TACR3: variants seen among roughly 807,000 people sequenced by gnomAD.
The protein encoded by TACR3 is neuromedin-K receptor.
Under a neutral mutation model 35.0 loss-of-function variants are expected in TACR3, and 34 were observed. That is an observed-to-expected ratio of 0.97 (90% CI 0.74 to 1.30). The LOEUF is 1.30. Among genes scored for constraint, TACR3 ranks in the 50% most tolerant of loss-of-function variants. TACR3 has a pLI of 0.00. For synonymous variants in TACR3, 233 were observed against 221.1 expected (o/e 1.05, Z -0.48); for missense variants, 558 against 591.7 (o/e 0.94, Z 0.59).
chr4:103,705,687 T>C (rs1055572518), intron 1 of TACR3, among the ~76,000 whole-genome samples: 1 of 152,174 alleles, frequency 6.6e-6, no homozygotes, highest in Non-Finnish European at 1.5e-5. Flanking sequence ...AACTGTTATC[T>C]AAAAGAGGAG....
chr4:103,601,971 T>C (rs1300126488), intron 3 of TACR3, among the ~76,000 whole-genome samples: 1 of 152,248 alleles, frequency 6.6e-6, no homozygotes, highest in African/African-American at 2.4e-5. Flanking sequence ...GATAGTATCC[T>C]GCAGAGTGTT....
chr4:103,706,796 A>G (rs1205961369), intron 1 of TACR3, among the ~76,000 whole-genome samples: 1 of 152,188 alleles, frequency 6.6e-6, no homozygotes, highest in African/African-American at 2.4e-5. Flanking sequence ...TAAGTATAAG[A>G]CTGGGAAGGA....
intron 3 of TACR3, among the ~76,000 whole-genome samples, chr4:103,617,126 A>G (rs987153177): frequency 6.6e-6 from 1 of 152,104 alleles, no homozygotes; most frequent in African/African-American, 2.4e-5. Flanking sequence ...ATTATGAGAC[A>G]TGTGAATAAA....
At chr4:103,675,845 G>T (rs1028326248) in intron 1 of TACR3, among the ~76,000 whole-genome samples, 1 of 152,050 alleles carries the variant, frequency 6.6e-6, no homozygotes, top group African/African-American at 2.4e-5. Flanking sequence ...CAGGTATTTA[G>T]CCTGAGTGGA....
chr4:103,676,785 T>C (rs1726180494), intron 1 of TACR3, among the ~76,000 whole-genome samples: 1 of 152,056 alleles, frequency 6.6e-6, no homozygotes, highest in African/African-American at 2.4e-5. Context: ...GCAATACCAT[T>C]CAAGACATAG....
chr4:103,642,877 C>T (rs1725385511), intron 3 of TACR3, among the ~76,000 whole-genome samples: 1 of 151,716 alleles, frequency 6.6e-6, no homozygotes, highest in Non-Finnish European at 1.5e-5. Context: ...ACTAATTACC[C>T]TAATTAGATT....
At chr4:103,673,071 G>C (rs1355053494) in intron 1 of TACR3, among the ~76,000 whole-genome samples, 2 of 152,138 alleles carry the variant, frequency 1.3e-5, no homozygotes, top group Non-Finnish European at 2.9e-5. Flanking sequence ...CTAGATCCTT[G>C]ACACGTATTA....
At chr4:103,672,137 T>C (rs1456403841) in intron 1 of TACR3, among the ~76,000 whole-genome samples, 1 of 152,108 alleles carries the variant, frequency 6.6e-6, no homozygotes, top group African/African-American at 2.4e-5. Context: ...ATTGCAGCAA[T>C]TCAGTCACAT....
At position 103,652,361 on chromosome 4, in the gene TACR3, C is replaced by T. The variant is rs140248345; in HGVS notation, c.888+3833G>A. On this transcript the variant is annotated intron_variant, in intron 3 of 4. Coordinates refer to ENST00000304883, the MANE Select transcript of TACR3 (RefSeq NM_001059.3). ...TAGATTTGGATCAGTTTTGCTTTCTCCTGTGACAGGGCAATGTCTAACAAT... is the reference window on the plus strand; with the variant it reads ...TAGATTTGGATCAGTTTTGCTTTCTTCTGTGACAGGGCAATGTCTAACAAT... Among the ~76,000 whole-genome samples the T allele has an allele frequency of 1.3e-4, 20 of 152,196 alleles. No individual in the cohort carries two copies. In the East Asian group the frequency reaches 3.9e-3, roughly 29 times the overall value.
Position 103,713,912 on chromosome 4 carries a change from G to A in TACR3, c.548+5216C>T, listed in dbSNP as rs1560542837. On this transcript the variant is annotated intron_variant, in intron 1 of 4. Transcript: ENST00000304883. ...ACTTCTAGGCAGTAGCCACCTGTGA[G>A]GAATATTGCTCATGGGTCAAAGAAG... Among the ~76,000 whole-genome samples, 4 of 152,242 alleles carry A rather than the reference G, an allele frequency of 2.6e-5. No individual in the cohort carries two copies. The South Asian group carries it at 8.3e-4, about 32-fold the overall frequency.
At chr4:103,653,754 A>G (rs1725672120) in intron 3 of TACR3, among the ~76,000 whole-genome samples, 1 of 152,068 alleles carries the variant, frequency 6.6e-6, no homozygotes, top group African/African-American at 2.4e-5. Flanking sequence ...ATCAGAGTGA[A>G]CAGGCAACCC....
intron 1 of TACR3, among the ~76,000 whole-genome samples, chr4:103,659,354 C>T (rs1310309546): frequency 6.6e-6 from 1 of 152,146 alleles, no homozygotes; most frequent in African/African-American, 2.4e-5. Context: ...CTTACAAATA[C>T]TGGTTTCACA....
chr4:103,709,328 C>A (rs1001501658), intron 1 of TACR3, among the ~76,000 whole-genome samples: 1 of 152,116 alleles, frequency 6.6e-6, no homozygotes, highest in Non-Finnish European at 1.5e-5. Context: ...CTCTACAGGC[C>A]AGAAGAGAGT....
intron 4 of TACR3, 67 bp from the exon 5 acceptor site, chr4:103,590,061 C>T: frequency 6.4e-7 from 1 of 1,550,612 alleles, no homozygotes; most frequent in South Asian, 1.2e-5. Flanking sequence ...TCAGCTGCCA[C>T]AGAAAATTCT....
chr4:103,689,826 C>T (rs928685607), intron 1 of TACR3, among the ~76,000 whole-genome samples: 17 of 152,114 alleles, frequency 1.1e-4, no homozygotes, highest in Admixed American at 2.0e-4. Context: ...GCACATTAAT[C>T]CACAAATATC....
chr4:103,677,685 A>G (rs1202016973), intron 1 of TACR3, among the ~76,000 whole-genome samples: 2 of 152,072 alleles, frequency 1.3e-5, no homozygotes, highest in East Asian at 3.9e-4. Flanking sequence ...AGGGAGAACA[A>G]CACACACTGG....
intron 3 of TACR3, among the ~76,000 whole-genome samples, chr4:103,650,187 A>T (rs1725557358): frequency 6.6e-6 from 1 of 151,822 alleles, no homozygotes; most frequent in African/African-American, 2.4e-5. Context: ...TCTTCCAAAT[A>T]TAGTCCCTTT....
At chr4:103,674,402 T>G (rs992413230) in intron 1 of TACR3, among the ~76,000 whole-genome samples, 3 of 151,854 alleles carry the variant, frequency 2.0e-5, no homozygotes, top group Non-Finnish European at 2.9e-5. Context: ...AGCTACCAGA[T>G]AAACTGTGGA....
rs546008637 is a variant in TACR3 at position 103,665,964 on chromosome 4, C to T, written c.549-7561G>A. Reference sequence around the variant, plus strand: ...GCCATTCTTTGTCCTGATGTTTGTCCTTGAGTTTGTTCTTTTTGTAATGTT... The same window carrying T: ...GCCATTCTTTGTCCTGATGTTTGTCTTTGAGTTTGTTCTTTTTGTAATGTT... On this transcript the variant is annotated intron_variant, in intron 1 of 4. Coordinates refer to ENST00000304883, the MANE Select transcript of TACR3 (RefSeq NM_001059.3). 2.6e-4 allele frequency among the ~76,000 whole-genome samples: 39 copies of T among 152,132 alleles called. 1 individual carries two copies. The South Asian group carries it at 8.1e-3, about 32-fold the overall frequency.
Sources: allele counts gnomAD v4.1 joint callset (sites outside exome capture counted in the v4.1 genomes callset), GRCh38; gene constraint gnomAD v4.1.1; transcripts MANE v1.5; gene names NCBI Gene and HGNC (gene_info 2026-07-23, HGNC 2026-07-21).